The following FNDC3A variants were observed in gnomAD, a reference collection of about 807,000 sequenced individuals.
FNDC3A encodes fibronectin type III domain containing 3A, also known as fibronectin type-III domain-containing protein 3A.
FNDC3A carries 32 observed loss-of-function variants against 148.9 expected under a neutral mutation model. The ratio of observed to expected loss-of-function variants is 0.21; its 90% CI spans 0.16 to 0.29. FNDC3A has a LOEUF of 0.29. Ranked by LOEUF, FNDC3A falls within the 10% of genes least tolerant of loss-of-function variation. The pLI, the probability that FNDC3A is intolerant of heterozygous loss-of-function variation, is 1.00. For synonymous variants in FNDC3A, 472 were observed against 473.6 expected, an observed-to-expected ratio of 1.00 and a Z score of 0.04; for missense variants, 1,191 against 1,452.8, an observed-to-expected ratio of 0.82 and a Z score of 2.93.
At chr13:49,036,843 G>A (rs1207924954) in intron 2 of FNDC3A, among the ~76,000 whole-genome samples, 1 of 152,212 alleles carries the variant, frequency 6.6e-6, no homozygotes, top group Non-Finnish European at 1.5e-5. Context: ...CATAGTGGTT[G>A]AGAAGCCCTG....
intron 11 of FNDC3A, among the ~76,000 whole-genome samples, 192 bp from the exon 12 acceptor site, chr13:49,174,243 T>C (rs906112605): frequency 7.9e-5 from 12 of 152,186 alleles, no homozygotes; most frequent in Non-Finnish European, 1.5e-4. Context: ...CAAAGATACC[T>C]GCTCTCTGGT....
intron 8 of FNDC3A, among the ~76,000 whole-genome samples, chr13:49,150,083 G>A (rs1296666989): frequency 6.6e-6 from 1 of 151,990 alleles, no homozygotes; most frequent in Non-Finnish European, 1.5e-5. Flanking sequence ...GATTAGTCTA[G>A]GTGGTGGTTT....
chr13:49,059,278 TA>T (rs1215916794), intron 2 of FNDC3A, among the ~76,000 whole-genome samples: 3 of 152,146 alleles, frequency 2.0e-5, no homozygotes, highest in Non-Finnish European at 2.9e-5. Flanking sequence ...GAAGACAACA[TA>T]GGGGTAAATC....
chr13:49,003,258 G>C (rs1593457579), intron 1 of FNDC3A, among the ~76,000 whole-genome samples: 1 of 152,154 alleles, frequency 6.6e-6, no homozygotes, highest in South Asian at 2.1e-4. Context: ...TAGAGACAAG[G>C]TTTCACATGT....
At chr13:49,190,911 T>G in intron 17 of FNDC3A, 104 bp from the exon 18 acceptor site, 1 of 678,170 alleles carries the variant, frequency 1.5e-6, no homozygotes, top group East Asian at 2.7e-5. Flanking sequence ...CAATTTCAAA[T>G]TATCAGTGCA....
intron 25 of FNDC3A, among the ~76,000 whole-genome samples, chr13:49,205,535 G>A: frequency 6.6e-6 from 1 of 152,156 alleles, no homozygotes; most frequent in East Asian, 1.9e-4. Flanking sequence ...ATGCTCATTG[G>A]AGCATTTCCA....
intron 9 of FNDC3A, among the ~76,000 whole-genome samples, chr13:49,167,614 G>A (rs543955062): frequency 3.9e-5 from 6 of 152,206 alleles, no homozygotes; most frequent in Admixed American, 3.9e-4. Context: ...GCTGAGGTAG[G>A]AGGATTGCTT....
intron 8 of FNDC3A, among the ~76,000 whole-genome samples, chr13:49,148,285 T>A (rs958008415): frequency 6.6e-6 from 1 of 152,150 alleles, no homozygotes; most frequent in African/African-American, 2.4e-5. Flanking sequence ...AAATCTTTGC[T>A]TAAACCAGTG....
At chr13:49,016,182 C>T (rs1295563615) in intron 2 of FNDC3A, among the ~76,000 whole-genome samples, 2 of 152,196 alleles carry the variant, frequency 1.3e-5, no homozygotes, top group South Asian at 2.1e-4. Flanking sequence ...GGAATGGTAC[C>T]AGTTCCTCCT....
intron 1 of FNDC3A, among the ~76,000 whole-genome samples, chr13:48,982,227 G>A (rs2137546498): frequency 6.6e-6 from 1 of 152,002 alleles, no homozygotes; most frequent in East Asian, 1.9e-4. Context: ...TTCATAATTT[G>A]CGATTTTATG....
chr13:49,180,950 C>T (rs1056978478), intron 14 of FNDC3A, among the ~76,000 whole-genome samples: 1 of 152,014 alleles, frequency 6.6e-6, no homozygotes, highest in African/African-American at 2.4e-5. Context: ...TGGTAGCTCA[C>T]GCTTGTAATA....
At chr13:49,079,168 AGTT>A (rs1878309377) in intron 3 of FNDC3A, among the ~76,000 whole-genome samples, 1 of 152,206 alleles carries the variant, frequency 6.6e-6, no homozygotes. Context: ...TCAATACAGT[AGTT>A]TTTCTACTGT....
intron 2 of FNDC3A, among the ~76,000 whole-genome samples, chr13:49,034,673 G>A (rs1417607606): frequency 1.3e-5 from 2 of 151,990 alleles, no homozygotes; most frequent in Non-Finnish European, 1.5e-5. Context: ...GAGACTATCA[G>A]CATTTAAGAT....
intron 2 of FNDC3A, among the ~76,000 whole-genome samples, chr13:49,036,472 G>T (rs981198394): frequency 6.6e-6 from 1 of 152,206 alleles, no homozygotes; most frequent in African/African-American, 2.4e-5. Flanking sequence ...TGTTGAAACT[G>T]GAGGAAAGGA....
chr13:49,049,789 A>G (rs1875699520), intron 2 of FNDC3A, among the ~76,000 whole-genome samples: 1 of 151,700 alleles, frequency 6.6e-6, no homozygotes, highest in Admixed American at 6.6e-5. Context: ...GCGTGATCTC[A>G]GCTCACTGCA....
intron 2 of FNDC3A, among the ~76,000 whole-genome samples, chr13:49,009,926 A>G (rs919796125): frequency 1.3e-5 from 2 of 152,218 alleles, no homozygotes; most frequent in African/African-American, 4.8e-5. Context: ...TTAAAATTAT[A>G]ATTTTTATAA....
At chr13:48,989,277 C>G (rs1951864900) in intron 1 of FNDC3A, among the ~76,000 whole-genome samples, 2 of 152,090 alleles carry the variant, frequency 1.3e-5, no homozygotes, top group South Asian at 4.1e-4. Context: ...ATCCAACAGC[C>G]AACAAGATAA....
At chr13:49,168,299 T>A (rs537478606) in intron 9 of FNDC3A, among the ~76,000 whole-genome samples, 1 of 152,278 alleles carries the variant, frequency 6.6e-6, no homozygotes, top group South Asian at 2.1e-4. Context: ...CAGCATTTTT[T>A]AAAAAAGAGA....
intron 2 of FNDC3A, among the ~76,000 whole-genome samples, chr13:49,017,555 A>G (rs1295636896): frequency 2.0e-5 from 3 of 152,114 alleles, no homozygotes; most frequent in Non-Finnish European, 4.4e-5. Context: ...CTTTTTATCA[A>G]ATTTGCCAGT....
Sources: gnomAD v4.1 joint callset for allele counts (sites outside exome capture counted in the v4.1 genomes callset) on GRCh38, gnomAD v4.1.1 for gene constraint, MANE v1.5 for transcripts, NCBI Gene and HGNC (gene_info 2026-07-23, HGNC 2026-07-21) for gene names.